The following CELF2 variants were observed in gnomAD, a reference collection of about 807,000 sequenced individuals.
The protein encoded by CELF2 is CUG triplet repeat RNA-binding protein 2.
Under a neutral mutation model 62.6 loss-of-function variants are expected in CELF2, and 8 were observed. The ratio of observed to expected loss-of-function variants is 0.13; its 90% CI spans 0.07 to 0.23. The LOEUF (loss-of-function observed/expected upper bound fraction) is 0.23. Among genes scored for constraint, CELF2 ranks in the 10% least tolerant of loss-of-function variants. CELF2 has a pLI of 1.00. For synonymous variants in CELF2, 258 were observed against 250.0 expected (o/e 1.03, Z -0.30); for missense variants, 333 against 671.0 (o/e 0.50, Z 5.56).
At chr10:11,037,973 GA>G (rs10706637) in intron 1 of CELF2, among the ~76,000 whole-genome samples, 114,651 of 151,158 alleles carry the variant, frequency 0.76, 45,435 homozygotes, top group East Asian at 0.98. Flanking sequence ...GAAGTTTATG[GA>G]AAAAAAAAAC....
At chr10:11,186,454 A>G (rs370742208) in intron 2 of CELF2, among the ~76,000 whole-genome samples, 2 of 152,178 alleles carry the variant, frequency 1.3e-5, no homozygotes, top group African/African-American at 4.8e-5. Context: ...AAATGAAAGT[A>G]TATAATGGTA....
intron 1 of CELF2, among the ~76,000 whole-genome samples, chr10:10,807,780 A>G (rs112807976): frequency 3.3e-5 from 5 of 152,200 alleles, no homozygotes; most frequent in Non-Finnish European, 7.3e-5. Context: ...CAAGTCCAAT[A>G]TATTAAATAA....
the CELF2 span, among the ~76,000 whole-genome samples, chr10:10,544,960 A>G: frequency 6.6e-6 from 1 of 152,162 alleles, no homozygotes; most frequent in African/African-American, 2.4e-5. Flanking sequence ...AAAAGAAAAT[A>G]TTTTGTCCAA....
In CELF2 at chr10:11,296,925, T is replaced by C. The variant is rs539566814; in HGVS notation, c.976+8373T>C. Among the ~76,000 whole-genome samples the C allele has an allele frequency of 1.3e-5, 2 of 152,328 alleles. No individual in the cohort carries two copies. Among genetic ancestry groups the C allele is most frequent in the East Asian group, 3.9e-4 (2 of 5,190 alleles). On this transcript the variant is annotated intron_variant, in intron 9 of 12. Transcript: ENST00000633077. The surrounding 1 kb of genome is among the most constrained non-coding windows in gnomAD (Gnocchi z 5.0). ...AGCAAATGGAAGTTCATCTCACTTT[T>C]CACAAGCATGGACATATGGAAAAGG...
At chr10:10,796,986 A>C, upstream of CELF2, 1 of 629,124 alleles carries the variant, frequency 1.6e-6, no homozygotes, top group Non-Finnish European at 2.0e-6. Context: ...GAAAGTATCC[A>C]TGACTGCTAA....
At chr10:11,175,064 C>G (rs1596633937) in intron 2 of CELF2, among the ~76,000 whole-genome samples, 1 of 94,654 alleles carries the variant, frequency 1.1e-5, no homozygotes, top group African/African-American at 3.7e-5. Context: ...TAAAGTCTGC[C>G]CCCCCGCCCC....
At chr10:11,221,786 C>T (rs1243187173) in intron 3 of CELF2, among the ~76,000 whole-genome samples, 1 of 152,218 alleles carries the variant, frequency 6.6e-6, no homozygotes, top group African/African-American at 2.4e-5. Flanking sequence ...TTTTTAGAAT[C>T]ACCACCAGTT....
intron 1 of CELF2, among the ~76,000 whole-genome samples, chr10:11,154,818 C>T (rs1422193040): frequency 6.6e-6 from 1 of 152,168 alleles, no homozygotes; most frequent in African/African-American, 2.4e-5. Context: ...CAAAAGGGAA[C>T]AACTCATTCA....
the CELF2 span, among the ~76,000 whole-genome samples, chr10:10,645,132 C>T: frequency 6.6e-6 from 1 of 152,114 alleles, no homozygotes. Flanking sequence ...ATGTAGCTTG[C>T]TTATTCAGGG....
chr10:11,271,951 C>T (rs571883336), intron 7 of CELF2, among the ~76,000 whole-genome samples: 54 of 152,240 alleles, frequency 3.5e-4, no homozygotes, highest in Non-Finnish European at 6.9e-4. Context: ...CAGAATCAAC[C>T]AGCCGCTAGT....
intron 1 of CELF2, among the ~76,000 whole-genome samples, chr10:10,799,557 T>A (rs2054438455): frequency 6.6e-6 from 1 of 151,804 alleles, no homozygotes; most frequent in African/African-American, 2.4e-5. Flanking sequence ...CCTTGAAGGG[T>A]CAAGGGAAAC....
rs1437573860 is a variant in CELF2 at position 11,217,820 on chromosome 10, A to G, written c.354+313A>G. 2.0e-5 allele frequency among the ~76,000 whole-genome samples: 3 copies of G among 152,172 alleles called. No homozygotes were observed. Among genetic ancestry groups the G allele is most frequent in the Non-Finnish European group, 4.4e-5 (3 of 68,024 alleles). On this transcript the variant is annotated intron_variant, in intron 3 of 12. Transcript: ENST00000633077. This position sits in a 1 kb window ranked among gnomAD's most constrained non-coding sequence, Gnocchi z 5.6. ...GATTTTAAAAGGAAAAAAAAACCCA[A>G]CACACACAAGAGAAGCAAATGGAAA...
chr10:10,765,741 T>C, the CELF2 span, among the ~76,000 whole-genome samples: 8 of 152,326 alleles, frequency 5.3e-5, no homozygotes, highest in Admixed American at 1.3e-4. Context: ...GCCAGCACCG[T>C]GGCTTGTCCA....
Position 11,318,755 on chromosome 10 carries a change from A to C in CELF2, c.1097-2434A>C. ...GGAAGATAATTTTTCTGACCTGGAA[A>C]TTAAAAAAACAGCTGTGTACAGAGA... On this transcript the variant is annotated intron_variant, in intron 10 of 12. Coordinates refer to ENST00000633077, the MANE Select transcript of CELF2 (RefSeq NM_001326342.2). The surrounding 1 kb of genome is among the most constrained non-coding windows in gnomAD (Gnocchi z 5.4). 1 of 467,964 alleles carries C rather than the reference A, an allele frequency of 2.1e-6. No individual in the cohort carries two copies. Among genetic ancestry groups the C allele is most frequent in the Non-Finnish European group, 4.4e-6 (1 of 225,596 alleles). The allele number at this position is 467,964 out of a possible 1,614,324, so 29.0% of individuals were successfully genotyped here.
chr10:10,872,028 C>T (rs1203936990), intron 1 of CELF2, among the ~76,000 whole-genome samples: 1 of 152,118 alleles, frequency 6.6e-6, no homozygotes, highest in Admixed American at 6.5e-5. Context: ...TCTATCCTGT[C>T]CTTTAATTAC....
At chr10:11,118,521 T>G (rs755125423) in intron 1 of CELF2, among the ~76,000 whole-genome samples, 14 of 152,092 alleles carry the variant, frequency 9.2e-5, no homozygotes, top group South Asian at 2.1e-4. Context: ...GTTAAAAGAT[T>G]AGTATATTCA....
At chr10:10,628,029 A>G in the CELF2 span, among the ~76,000 whole-genome samples, 3 of 152,056 alleles carry the variant, frequency 2.0e-5, no homozygotes, top group African/African-American at 7.2e-5. Flanking sequence ...CAGCCTCCCA[A>G]GTAGCTGGGA....
At chr10:10,730,906 T>C in the CELF2 span, among the ~76,000 whole-genome samples, 1 of 152,334 alleles carries the variant, frequency 6.6e-6, no homozygotes, top group African/African-American at 2.4e-5. Flanking sequence ...GAGCAGAGTC[T>C]ACTGGGAGCT....
chr10:10,606,685 C>G, the CELF2 span, among the ~76,000 whole-genome samples: 22 of 152,196 alleles, frequency 1.4e-4, no homozygotes, highest in Middle Eastern at 0.014. Flanking sequence ...ATATTGGTCC[C>G]TTTATGAGTT....
Sources: allele counts gnomAD v4.1 joint callset (sites outside exome capture counted in the v4.1 genomes callset), GRCh38; gene constraint gnomAD v4.1.1; non-coding constraint Gnocchi (gnomAD v3.1); transcripts MANE v1.5; gene names NCBI Gene and HGNC (gene_info 2026-07-23, HGNC 2026-07-21).